Variants in USP32 observed in about 807,000 individuals in gnomAD.
The protein encoded by USP32 is ubiquitin carboxyl-terminal hydrolase 32.
In USP32, 59 loss-of-function variants were observed where a neutral mutation model predicts 204.8. The observed-to-expected ratio is 0.29, with a 90% CI of 0.23 to 0.36. The LOEUF (loss-of-function observed/expected upper bound fraction) is 0.36. Among genes scored for constraint, USP32 ranks in the 10% least tolerant of loss-of-function variants. The probability of loss-of-function intolerance (pLI) is 1.00; values close to 1 mark genes in which losing one functional copy is unlikely to be tolerated. For missense variants in USP32, 1,160 were observed against 1,946.4 expected (o/e 0.60, Z 7.60); for synonymous variants, 517 against 678.4 (o/e 0.76, Z 3.70).
At chr17:60,414,460 G>A (rs1240143287) in intron 1 of USP32, among the ~76,000 whole-genome samples, 3 of 151,280 alleles carry the variant, frequency 2.0e-5, no homozygotes, top group African/African-American at 7.3e-5. Context: ...ACAGAGTCTC[G>A]CTCTGTTGCC....
rs1370824680 is a variant in USP32, at chr17:60,391,967, C to T, written c.-28G>A. ...TCCCCTCATCCCCTCGGCGGGGGGT[C>T]GGAGCCTGATCTCGCCCCCACCCCC... On this transcript the variant is annotated 5_prime_UTR_variant, in exon 1 of 34. Coordinates refer to ENST00000300896, the MANE Select transcript of USP32 (RefSeq NM_032582.4). The T allele has an allele frequency of 1.2e-6, 2 of 1,604,922 alleles. No individual in the cohort carries two copies. The highest frequency in any genetic ancestry group is 1.7e-6 in the Non-Finnish European group (2 of 1,176,020).
At chr17:60,332,851 C>T (rs781025629) in intron 2 of USP32, among the ~76,000 whole-genome samples, 3 of 152,100 alleles carry the variant, frequency 2.0e-5, no homozygotes, top group Admixed American at 6.6e-5. Context: ...GAGATTCATT[C>T]ATGTTGTTGC....
rs1028682988 is a variant in USP32 at position 60,184,873 on chromosome 17, C to T, written c.3834+587G>A. Among the ~76,000 whole-genome samples, 7 of 150,624 alleles carry T rather than the reference C, an allele frequency of 4.6e-5. No individual in the cohort carries two copies. The East Asian group carries it at 5.8e-4, about 13-fold the overall frequency. ...AAAATATGCCAGTACCTTACAGTTA[C>T]ACTGATCTTAATGAATAGGAAGATT... On this transcript the variant is annotated intron_variant, in intron 30 of 33. Transcript: ENST00000300896.
At chr17:60,237,325 T>TA (rs1196677784) in intron 11 of USP32, among the ~76,000 whole-genome samples, 2 of 143,534 alleles carry the variant, frequency 1.4e-5, no homozygotes, top group African/African-American at 5.7e-5. Flanking sequence ...TTTTTTTTTT[T>TA]AACTAGAGAC....
intron 2 of USP32, among the ~76,000 whole-genome samples, chr17:60,306,360 G>A (rs767707521): frequency 8.5e-5 from 13 of 152,130 alleles, no homozygotes; most frequent in African/African-American, 3.1e-4. Context: ...TTTTCTGGCC[G>A]GGCGCAGTGG....
rs75220527 is a variant in USP32 at position 60,337,973 on chromosome 17, C to G, written c.186+7508G>C. Among the ~76,000 whole-genome samples, 325 of 152,262 alleles carry G rather than the reference C, an allele frequency of 2.1e-3. 1 individual carries two copies. Among genetic ancestry groups the G allele is most frequent in the African/African-American group, 7.5e-3 (311 of 41,556 alleles). On this transcript the variant is annotated intron_variant, in intron 2 of 33. Transcript: ENST00000300896. ...AATGTTGTGCTATGTACTACAGATT[C>G]AGGCTTTAATGCTTGAAAGAGAGTT...
chr17:60,294,456 T>G (rs755779053), intron 4 of USP32, among the ~76,000 whole-genome samples: 2 of 151,900 alleles, frequency 1.3e-5, no homozygotes, highest in African/African-American at 2.4e-5. Flanking sequence ...CATTATACTC[T>G]AAGTATGAAT....
At position 60,301,700 on chromosome 17, in the gene USP32, A is replaced by G. The variant is rs776167234; in HGVS notation, c.191T>C (p.Ile64Thr). The G allele has an allele frequency of 1.3e-6, 2 of 1,584,558 alleles. No individual in the cohort carries two copies. Among genetic ancestry groups the G allele is most frequent in the South Asian group, 2.3e-5 (2 of 85,372 alleles). Residue 64 changes from isoleucine to threonine, a missense_variant, in exon 3 of 34, where the codon ATT (isoleucine) becomes ACT (threonine). Physicochemically the swap from Ile to Thr is moderately conservative, Grantham distance 89. Coordinates refer to ENST00000300896, the MANE Select transcript of USP32 (RefSeq NM_032582.4). ...GGATGTTCCACCAAAAGAACAGTAA[A>G]TCACCTGGAAAAAGATGATAAAGCC... The part of the protein sequence containing the change: ...DGVPPKVAEV[I>T]YCSFGGTSKG...
At chr17:60,330,397 C>T (rs150445172) in intron 2 of USP32, among the ~76,000 whole-genome samples, 16 of 152,208 alleles carry the variant, frequency 1.1e-4, no homozygotes, top group Non-Finnish European at 1.6e-4. Flanking sequence ...CTTCTATTCT[C>T]AGTAATCTCA....
intron 2 of USP32, among the ~76,000 whole-genome samples, chr17:60,325,018 A>G (rs576394818): frequency 6.6e-6 from 1 of 152,284 alleles, no homozygotes; most frequent in Non-Finnish European, 1.5e-5. Context: ...AAAACAAAAA[A>G]CTGTTGGAAG....
chr17:60,299,799 C>T (rs1018911005), intron 3 of USP32, among the ~76,000 whole-genome samples: 1 of 152,166 alleles, frequency 6.6e-6, no homozygotes, highest in Non-Finnish European at 1.5e-5. Flanking sequence ...AGATTTATTT[C>T]TCACAGTTCT....
intron 16 of USP32, among the ~76,000 whole-genome samples, chr17:60,218,014 G>A (rs1246852021): frequency 1.3e-5 from 2 of 152,058 alleles, no homozygotes; most frequent in Non-Finnish European, 2.9e-5. Flanking sequence ...TGGGATTACA[G>A]GCATCAGCCA....
At chr17:60,359,072 A>T (rs1432396921) in intron 1 of USP32, among the ~76,000 whole-genome samples, 1 of 152,266 alleles carries the variant, frequency 6.6e-6, no homozygotes, top group East Asian at 1.9e-4. Flanking sequence ...TCTGCCTATG[A>T]GCTCCAATCA....
intron 5 of USP32, among the ~76,000 whole-genome samples, chr17:60,276,058 A>G (rs1227418560): frequency 6.6e-6 from 1 of 152,096 alleles, no homozygotes; most frequent in East Asian, 1.9e-4. Context: ...CAAAGGTCCA[A>G]TTACTTTGGA....
chr17:60,282,097 C>T (rs2086980789), intron 5 of USP32, among the ~76,000 whole-genome samples: 2 of 152,124 alleles, frequency 1.3e-5, no homozygotes, highest in African/African-American at 2.4e-5. Flanking sequence ...TTTCTTCAGG[C>T]TTTTACCACA....
At chr17:60,266,196 G>T in intron 7 of USP32, 105 bp from the exon 8 acceptor site, 1 of 778,096 alleles carries the variant, frequency 1.3e-6, no homozygotes, top group Non-Finnish European at 2.1e-6. Flanking sequence ...TTTAAAGCAA[G>T]TATATGTATT....
At chr17:60,202,521 G>A (rs923204028) in intron 26 of USP32, among the ~76,000 whole-genome samples, 12 of 151,804 alleles carry the variant, frequency 7.9e-5, no homozygotes, top group African/African-American at 2.4e-4. Context: ...TAAGTCATCC[G>A]TAGATTAGTT....
intron 1 of USP32, among the ~76,000 whole-genome samples, chr17:60,355,847 GAGAGAGAAAGA>G (rs2089058742): frequency 5.4e-5 from 1 of 18,492 alleles, no homozygotes; most frequent in Non-Finnish European, 1.1e-4. Flanking sequence ...AAAAAAAAAA[GAGAGAGAAAGA>G]AAAAAAAAAA....
At chr17:60,393,449 G>C (rs1183628610), upstream of USP32, among the ~76,000 whole-genome samples, 1 of 152,196 alleles carries the variant, frequency 6.6e-6, no homozygotes, top group Non-Finnish European at 1.5e-5. Context: ...TATATGTACA[G>C]TGGAATTATT....
Sources: gnomAD v4.1 joint callset for allele counts (sites outside exome capture counted in the v4.1 genomes callset) on GRCh38, gnomAD v4.1.1 for gene constraint, MANE v1.5 for transcripts, NCBI Gene and HGNC (gene_info 2026-07-23, HGNC 2026-07-21) for gene names.